The following CREBBP variants were observed in gnomAD, a reference collection of about 807,000 sequenced individuals.
CREBBP encodes CREB binding lysine acetyltransferase, also known as CREB-binding protein.
A neutral mutation model predicts 265.0 loss-of-function variants in CREBBP; 19 were observed. The observed-to-expected ratio is 0.07, with a 90% confidence interval of 0.05 to 0.11. The LOEUF is 0.11. Ranked by LOEUF, CREBBP falls within the 10% of genes least tolerant of loss-of-function variation. The pLI is 1.00. For missense variants in CREBBP, 2,525 were observed against 3,219.0 expected (o/e 0.78, Z 5.22); for synonymous variants, 1,457 against 1,223.7 (o/e 1.19, Z -3.98).
intron 2 of CREBBP, among the ~76,000 whole-genome samples, chr16:3,826,676 A>T (rs190211148): frequency 6.6e-6 from 1 of 152,320 alleles, no homozygotes; most frequent in African/African-American, 2.4e-5. Flanking sequence ...GTTCTCCTCA[A>T]AACTGTCAAG....
intron 16 of CREBBP, chr16:3,761,671 C>T (rs1380300053): frequency 3.3e-5 from 16 of 488,442 alleles, no homozygotes; most frequent in South Asian, 1.0e-4. Flanking sequence ...GTAAAAACCC[C>T]GACGCAGCAC....
intron 2 of CREBBP, among the ~76,000 whole-genome samples, chr16:3,816,592 T>C (rs1173290402): frequency 6.6e-6 from 1 of 152,052 alleles, no homozygotes; most frequent in Non-Finnish European, 1.5e-5. Flanking sequence ...AGTAGGTGAG[T>C]GACCATGATC....
intron 3 of CREBBP, among the ~76,000 whole-genome samples, chr16:3,806,486 A>G (rs1417737771): frequency 6.6e-6 from 1 of 151,754 alleles, no homozygotes; most frequent in Non-Finnish European, 1.5e-5. Flanking sequence ...TACGAACTCC[A>G]CATTAGAAAT....
At chr16:3,772,915 C>CAAAAAAAAAAAAAAAAAAAA (rs144154476) in intron 13 of CREBBP, among the ~76,000 whole-genome samples, 1 of 88,842 alleles carries the variant, frequency 1.1e-5, no homozygotes. Flanking sequence ...ACTAAAAATA[C>CAAAAAAAAAAAAAAAAAAAA]AAAAAAAAAA....
At chr16:3,777,458 A>G (rs1417731324) in intron 11 of CREBBP, among the ~76,000 whole-genome samples, 155 bp downstream of exon 11, 1 of 152,222 alleles carries the variant, frequency 6.6e-6, no homozygotes, top group Non-Finnish European at 1.5e-5. Flanking sequence ...AAACATATCC[A>G]TACTACCTGT....
intron 3 of CREBBP, among the ~76,000 whole-genome samples, chr16:3,796,427 C>T (rs1018818599): frequency 1.9e-4 from 28 of 150,834 alleles, no homozygotes; most frequent in Non-Finnish European, 2.8e-4. Context: ...CACTCTATCG[C>T]CTAAGCTGGA....
intron 3 of CREBBP, among the ~76,000 whole-genome samples, chr16:3,805,272 C>T (rs538131449): frequency 6.6e-6 from 1 of 152,270 alleles, no homozygotes; most frequent in East Asian, 1.9e-4. Flanking sequence ...CAAACCTTCC[C>T]CACGTTTTCC....
chr16:3,859,863 A>G (rs1487579207), intron 1 of CREBBP, among the ~76,000 whole-genome samples: 1 of 152,226 alleles, frequency 6.6e-6, no homozygotes, highest in African/African-American at 2.4e-5. Context: ...GGTATCCTTC[A>G]TAATATCCTT....
intron 2 of CREBBP, among the ~76,000 whole-genome samples, chr16:3,824,250 G>A (rs1474746923): frequency 3.3e-5 from 5 of 152,290 alleles, no homozygotes; most frequent in African/African-American, 1.2e-4. Context: ...AACAGACACA[G>A]TTGACCGAGG....
intron 1 of CREBBP, among the ~76,000 whole-genome samples, chr16:3,875,431 G>A (rs925958972): frequency 6.6e-6 from 1 of 152,112 alleles, no homozygotes; most frequent in Admixed American, 6.6e-5. Context: ...CATTCTCCCT[G>A]AGGTAAACAG....
chr16:3,743,723 A>G (rs974341322), intron 23 of CREBBP: 3 of 152,216 alleles, frequency 2.0e-5, no homozygotes, highest in Admixed American at 6.5e-5. Context: ...CCAAGACTTG[A>G]GAATTGACTC....
At chr16:3,857,529 C>T (rs915431042) in intron 1 of CREBBP, among the ~76,000 whole-genome samples, 13 of 152,190 alleles carry the variant, frequency 8.5e-5, no homozygotes, top group African/African-American at 1.9e-4. Flanking sequence ...CACAGCTTTG[C>T]TTTCTACACA....
intron 1 of CREBBP, among the ~76,000 whole-genome samples, chr16:3,863,379 G>C (rs1313824862): frequency 6.6e-6 from 1 of 152,158 alleles, no homozygotes; most frequent in Non-Finnish European, 1.5e-5. Flanking sequence ...CAGGCAGGAA[G>C]ATCACCTGAG....
chr16:3,763,971 A>G (rs1171044137), intron 16 of CREBBP, among the ~76,000 whole-genome samples: 1 of 151,056 alleles, frequency 6.6e-6, no homozygotes, highest in African/African-American at 2.4e-5. Flanking sequence ...CAGCCTTCCG[A>G]GTAGCTGGGA....
chr16:3,751,745 C>T lies in CREBBP; in HGVS notation c.3760G>A (p.Asp1254Asn), dbSNP rs1005189041. ...IQGENVTLGDDPSQPQTTISK... is the reference protein window; with the variant it reads ...IQGENVTLGDNPSQPQTTISK... Reference sequence around the variant, plus strand: ...ACTTACGTCTGGGGCTGTGAAGGGTCGTCACCCAGGGTCACATTCTCGCCC... The same window carrying T: ...ACTTACGTCTGGGGCTGTGAAGGGTTGTCACCCAGGGTCACATTCTCGCCC... The change falls in exon 20 of 31, where the codon GAC becomes AAC. Residue 1254 changes from aspartate (D) to asparagine (N), a missense_variant. Asp to Asn is a conservative substitution (Grantham distance 23, BLOSUM62 1). Coordinates refer to ENST00000262367, the MANE Select transcript of CREBBP (RefSeq NM_004380.3). 1 of 1,614,144 alleles carries T rather than the reference C, an allele frequency of 6.2e-7. No individual in the cohort carries two copies. Among genetic ancestry groups the T allele is most frequent in the Non-Finnish European group, 8.5e-7 (1 of 1,180,002 alleles).
At chr16:3,788,291 A>G (rs924044959) in intron 5 of CREBBP, among the ~76,000 whole-genome samples, 1 of 152,230 alleles carries the variant, frequency 6.6e-6, no homozygotes, top group Non-Finnish European at 1.5e-5. Flanking sequence ...TAATGTGCAC[A>G]CTAATCACCC....
intron 11 of CREBBP, among the ~76,000 whole-genome samples, chr16:3,776,640 C>T (rs559104332): frequency 5.6e-4 from 86 of 152,260 alleles, no homozygotes; most frequent in African/African-American, 1.9e-3. Context: ...AGAAGCACTC[C>T]CTCCCCACAT....
chr16:3,763,765 G>A (rs950423629), intron 16 of CREBBP, among the ~76,000 whole-genome samples: 3 of 151,854 alleles, frequency 2.0e-5, no homozygotes, highest in Non-Finnish European at 4.4e-5. Flanking sequence ...CGCCCGGCCT[G>A]AAACAATTTT....
chr16:3,745,090 C>T (rs905017876), intron 22 of CREBBP, 129 bp from the exon 23 acceptor site: 1 of 902,312 alleles, frequency 1.1e-6, no homozygotes, highest in Non-Finnish European at 1.8e-6. Flanking sequence ...AGTGAAGAGG[C>T]AGACTGCTTT....
Sources: allele counts gnomAD v4.1 joint callset (sites outside exome capture counted in the v4.1 genomes callset), GRCh38; gene constraint gnomAD v4.1.1; transcripts MANE v1.5; gene names NCBI Gene and HGNC (gene_info 2026-07-23, HGNC 2026-07-21).